ST8SIA5: variants seen among roughly 807,000 people sequenced by gnomAD.
The protein encoded by ST8SIA5 is alpha-2,8-sialyltransferase 8E.
Under a neutral mutation model 40.2 loss-of-function variants are expected in ST8SIA5, and 24 were observed. The ratio of observed to expected loss-of-function variants is 0.60; its 90% CI spans 0.43 to 0.84. The LOEUF (loss-of-function observed/expected upper bound fraction) is 0.84, where lower values mean the gene tolerates loss of function less well. Ranked by LOEUF, ST8SIA5 falls within the 40% of genes least tolerant of loss-of-function variation. The pLI is 0.00. For missense variants in ST8SIA5, 465 were observed against 498.5 expected, an observed-to-expected ratio of 0.93 and a Z score of 0.64; for synonymous variants, 198 against 201.8, an observed-to-expected ratio of 0.98 and a Z score of 0.16.
intron 1 of ST8SIA5, chr18:46,731,689 C>T (rs150992364): frequency 0.016 from 2,430 of 152,428 alleles, 28 homozygotes; most frequent in Middle Eastern, 0.031. Flanking sequence ...ACCTTCCTGA[C>T]GGATCCCATC....
intron 1 of ST8SIA5, among the ~76,000 whole-genome samples, chr18:46,711,477 G>A (rs41471844): frequency 0.27 from 41,613 of 152,124 alleles, 6,505 homozygotes; most frequent in Middle Eastern, 0.4. Flanking sequence ...TCTTAACAGT[G>A]TCACTGCACT....
intron 1 of ST8SIA5, among the ~76,000 whole-genome samples, chr18:46,735,310 A>G (rs1216020370): frequency 6.6e-6 from 1 of 152,226 alleles, no homozygotes; most frequent in Admixed American, 6.5e-5. Context: ...CATGTGAGTC[A>G]ATACTCCTTA....
In ST8SIA5 at chr18:46,682,864, G is replaced by A. The variant is rs559446094; in HGVS notation, c.570-800C>T. Among the ~76,000 whole-genome samples, 293 of 152,306 alleles carry A rather than the reference G, an allele frequency of 1.9e-3. 1 individual carries two copies. Among genetic ancestry groups the A allele is most frequent in the African/African-American group, 6.9e-3 (286 of 41,552 alleles). ...CACTGTGGGCTTTGCCATGAGCCAA[G>A]GAATGCAAGGAGCTTCTAGGAAATG... On this transcript the variant is annotated intron_variant, in intron 5 of 6. Coordinates refer to ENST00000315087, the MANE Select transcript of ST8SIA5 (RefSeq NM_013305.6).
intron 1 of ST8SIA5, among the ~76,000 whole-genome samples, chr18:46,724,990 A>AGGAC: frequency 8.1e-5 from 1 of 12,270 alleles, no homozygotes; most frequent in Admixed American, 1.0e-3. Flanking sequence ...AAAGAGAGAG[A>AGGAC]GGAAGGAAGG....
At chr18:46,712,761 A>G (rs2039746041) in intron 1 of ST8SIA5, among the ~76,000 whole-genome samples, 1 of 152,166 alleles carries the variant, frequency 6.6e-6, no homozygotes, top group African/African-American at 2.4e-5. Context: ...CCCCACTCTC[A>G]TGGCACTTCC....
chr18:46,738,841 C>T (rs1384728748), intron 1 of ST8SIA5, among the ~76,000 whole-genome samples: 1 of 152,158 alleles, frequency 6.6e-6, no homozygotes, highest in Non-Finnish European at 1.5e-5. Context: ...GTAGGCAGCA[C>T]AAAGTCAGGC....
intron 1 of ST8SIA5, among the ~76,000 whole-genome samples, chr18:46,719,313 T>C (rs1346674320): frequency 6.6e-6 from 1 of 151,722 alleles, no homozygotes; most frequent in Non-Finnish European, 1.5e-5. Flanking sequence ...CTGGCCCAGA[T>C]CATGGAGAGA....
intron 1 of ST8SIA5, among the ~76,000 whole-genome samples, chr18:46,756,019 C>T (rs899720424): frequency 1.3e-5 from 2 of 152,232 alleles, no homozygotes; most frequent in Non-Finnish European, 2.9e-5. Context: ...CCTCCGACCC[C>T]GGAGTCCAAA....
chr18:46,745,772 A>G (rs1389470081), intron 1 of ST8SIA5, among the ~76,000 whole-genome samples: 1 of 152,216 alleles, frequency 6.6e-6, no homozygotes, highest in Non-Finnish European at 1.5e-5. Flanking sequence ...CAAAAAGAGA[A>G]TTTTAGACCA....
chr18:46,680,038 G>T lies in ST8SIA5; in HGVS notation c.*4C>A. On this transcript the variant is annotated 3_prime_UTR_variant, in exon 7 of 7. Coordinates refer to ENST00000315087, the MANE Select transcript of ST8SIA5 (RefSeq NM_013305.6). ...CGCTTGCCGGGCAGCCTGGCTGGCA[G>T]CCATCAGCAGCAGCTGCAGGTGCCC... The T allele has an allele frequency of 6.3e-7, 1 of 1,596,704 alleles. No homozygotes were observed. The highest frequency in any genetic ancestry group is 8.5e-7 in the Non-Finnish European group (1 of 1,169,750).
chr18:46,702,241 T>C (rs569132479), intron 2 of ST8SIA5, among the ~76,000 whole-genome samples: 1 of 151,980 alleles, frequency 6.6e-6, no homozygotes, highest in South Asian at 2.1e-4. Context: ...CAGTAAAACA[T>C]GGAAGGGCCT....
chr18:46,689,197 C>A (rs1272625180), intron 3 of ST8SIA5, among the ~76,000 whole-genome samples: 1 of 152,164 alleles, frequency 6.6e-6, no homozygotes. Context: ...CTTTTCAACG[C>A]CTCTCCCAAG....
At chr18:46,724,676 G>GA (rs1402813355) in intron 1 of ST8SIA5, among the ~76,000 whole-genome samples, 2 of 152,106 alleles carry the variant, frequency 1.3e-5, no homozygotes, top group Non-Finnish European at 2.9e-5. Flanking sequence ...GCCTCATGCA[G>GA]AAAATCTCAT....
At chr18:46,746,573 C>G (rs541119375) in intron 1 of ST8SIA5, among the ~76,000 whole-genome samples, 208 of 152,166 alleles carry the variant, frequency 1.4e-3, no homozygotes, top group Admixed American at 4.1e-3. Flanking sequence ...AAAGAGGACA[C>G]AAACAAAATG....
chr18:46,736,995 C>T (rs2040041136), intron 1 of ST8SIA5, among the ~76,000 whole-genome samples: 1 of 152,192 alleles, frequency 6.6e-6, no homozygotes, highest in African/African-American at 2.4e-5. Context: ...GGACCAGTCC[C>T]TTGTGCCCCA....
chr18:46,686,055 T>C (rs1264890618), intron 5 of ST8SIA5, 119 bp downstream of exon 5: 1 of 905,010 alleles, frequency 1.1e-6, no homozygotes, highest in Admixed American at 2.0e-5. Context: ...GACCTGAGGG[T>C]CTGCAGGGGT....
chr18:46,682,257 A>G (rs2039405156), intron 5 of ST8SIA5, among the ~76,000 whole-genome samples, 193 bp from the exon 6 acceptor site: 1 of 152,254 alleles, frequency 6.6e-6, no homozygotes, highest in African/African-American at 2.4e-5. Flanking sequence ...GACAGCCAAC[A>G]GGCCTTGCTG....
At chr18:46,689,094 C>T in intron 3 of ST8SIA5, 175 bp from the exon 4 acceptor site, 4 of 667,474 alleles carry the variant, frequency 6.0e-6, no homozygotes, top group South Asian at 2.3e-5. Context: ...CCATCCCACA[C>T]ACATCCCCAC....
chr18:46,733,866 C>A (rs1252096669), intron 1 of ST8SIA5, among the ~76,000 whole-genome samples: 1 of 152,128 alleles, frequency 6.6e-6, no homozygotes, highest in Admixed American at 6.5e-5. Context: ...AGGAACACTG[C>A]CTTTCTGGGG....
Sources: gnomAD v4.1 joint callset for allele counts (sites outside exome capture counted in the v4.1 genomes callset) on GRCh38, gnomAD v4.1.1 for gene constraint, MANE v1.5 for transcripts, NCBI Gene and HGNC (gene_info 2026-07-23, HGNC 2026-07-21) for gene names.